NEBL: variants seen among roughly 807,000 people sequenced by gnomAD.
NEBL encodes the protein nebulette.
In NEBL, 122 loss-of-function variants were observed where a neutral mutation model predicts 140.2. That is an observed-to-expected ratio of 0.87 (90% CI 0.75 to 1.01). The LOEUF (loss-of-function observed/expected upper bound fraction) is 1.01. NEBL is among the 50% of genes least tolerant of loss of function. NEBL has a pLI of 0.00. For missense variants in NEBL, 1,365 were observed against 1,231.3 expected, an observed-to-expected ratio of 1.11 and a Z score of -1.62; for synonymous variants, 436 against 398.9, an observed-to-expected ratio of 1.09 and a Z score of -1.11.
intron 3 of NEBL, among the ~76,000 whole-genome samples, chr10:21,200,979 A>T (rs1220688175): frequency 1.3e-5 from 2 of 151,926 alleles, no homozygotes; most frequent in Non-Finnish European, 2.9e-5. Context: ...AGTTCCAGCT[A>T]CTCAGGAGGG....
intron 9 of NEBL, among the ~76,000 whole-genome samples, chr10:20,856,143 G>A (rs192860044): frequency 6.6e-6 from 1 of 152,232 alleles, no homozygotes; most frequent in East Asian, 1.9e-4. Context: ...ATTTGTCTAT[G>A]GGGAAAAAGA....
chr10:20,847,145 T>A (rs1298681031), intron 11 of NEBL, among the ~76,000 whole-genome samples: 1 of 152,184 alleles, frequency 6.6e-6, no homozygotes, highest in African/African-American at 2.4e-5. Context: ...ATTCTCTTTA[T>A]ACCTACTTCA....
At chr10:21,145,548 C>A (rs1018241486) in intron 2 of NEBL, among the ~76,000 whole-genome samples, 10 of 152,188 alleles carry the variant, frequency 6.6e-5, no homozygotes, top group African/African-American at 2.2e-4. Context: ...ATGTATACAC[C>A]TTTTCATAGC....
rs1393451462 is a variant in NEBL, at chr10:21,261,300, C to A, written n.183-9472G>T. ...AAAGAAAGGAAAATTATCCTGATTC[C>A]AACCTTCAATAATGGACGCTGAACC... On this transcript the variant is annotated intron_variant and non_coding_transcript_variant, in intron 1 of 8. Coordinates refer to the NEBL transcript ENST00000675702. 2.6e-5 allele frequency among the ~76,000 whole-genome samples: 4 copies of A among 152,104 alleles called. 1 individual carries two copies. In the East Asian group the frequency reaches 5.8e-4, roughly 22 times the overall value.
chr10:20,780,153 C>G lies in NEBL; in HGVS notation c.*5594G>C, dbSNP rs1016601551. On this transcript the variant is annotated 3_prime_UTR_variant, in exon 28 of 28. Coordinates refer to ENST00000377122, the MANE Select transcript of NEBL (RefSeq NM_006393.3). The stretch of plus-strand genomic sequence containing the variant: ...GACTCACTTTTTCAATTATGGGAAG[C>G]GTAGTGGGGGGAGAAAAGCAATTGT... 1 of 152,044 alleles carries G rather than the reference C, an allele frequency of 6.6e-6. No homozygotes were observed. Among genetic ancestry groups the G allele is most frequent in the Non-Finnish European group, 1.5e-5 (1 of 68,010 alleles). The allele number at this position is 152,044 out of a possible 1,614,324, so 9.4% of individuals were successfully genotyped here.
chr10:20,903,437 C>T (rs1847959009), intron 4 of NEBL, among the ~76,000 whole-genome samples: 1 of 152,090 alleles, frequency 6.6e-6, no homozygotes, highest in Admixed American at 6.6e-5. Flanking sequence ...TGAGTAAAAC[C>T]TCTACGGGAG....
chr10:21,060,531 T>G (rs919726655), intron 2 of NEBL, among the ~76,000 whole-genome samples: 1 of 152,146 alleles, frequency 6.6e-6, no homozygotes, highest in Admixed American at 6.6e-5. Context: ...ACAAACTGTC[T>G]CCTTTTCCTG....
chr10:21,098,403 C>T (rs750474997), intron 2 of NEBL, among the ~76,000 whole-genome samples: 2 of 152,142 alleles, frequency 1.3e-5, no homozygotes, highest in Non-Finnish European at 2.9e-5. Context: ...AATAAATGCT[C>T]ATTGAATTGA....
At chr10:21,053,279 G>A (rs1011955384) in intron 2 of NEBL, among the ~76,000 whole-genome samples, 4 of 152,172 alleles carry the variant, frequency 2.6e-5, no homozygotes, top group African/African-American at 9.7e-5. Flanking sequence ...GAAAAGAGGA[G>A]TGTTAATTAA....
chr10:20,793,958 A>C (rs932299965), intron 26 of NEBL, among the ~76,000 whole-genome samples: 6 of 152,172 alleles, frequency 3.9e-5, no homozygotes, highest in Non-Finnish European at 8.8e-5. Context: ...ATGTGGCTCT[A>C]TTTTAAACAT....
chr10:20,845,505 G>A, intron 11 of NEBL, 137 bp from the exon 12 acceptor site: 1 of 602,218 alleles, frequency 1.7e-6, no homozygotes, highest in Non-Finnish European at 2.9e-6. Context: ...CTATCAACAG[G>A]GAAATAAGTT....
At chr10:21,194,028 A>G (rs1841613976) in intron 3 of NEBL, among the ~76,000 whole-genome samples, 1 of 152,190 alleles carries the variant, frequency 6.6e-6, no homozygotes, top group African/African-American at 2.4e-5. Flanking sequence ...AAGCTAGAGT[A>G]CAGTACCGTG....
chr10:21,260,606 CCT>C (rs1288491943), intron 1 of NEBL, among the ~76,000 whole-genome samples: 1 of 152,136 alleles, frequency 6.6e-6, no homozygotes, highest in Non-Finnish European at 1.5e-5. Flanking sequence ...ACTATGTTCC[CCT>C]GTTTTCCCTT....
intron 3 of NEBL, among the ~76,000 whole-genome samples, chr10:21,193,913 A>G (rs1270855053): frequency 2.0e-5 from 3 of 152,264 alleles, no homozygotes; most frequent in African/African-American, 7.2e-5. Context: ...AAGATAAAAT[A>G]CTATCATGAT....
intron 2 of NEBL, among the ~76,000 whole-genome samples, chr10:21,250,701 A>G (rs1842577305): frequency 6.6e-6 from 1 of 150,604 alleles, no homozygotes; most frequent in African/African-American, 2.5e-5. Flanking sequence ...ACCTGAGTTC[A>G]GGGGTTCAAG....
intron 3 of NEBL, among the ~76,000 whole-genome samples, chr10:21,215,581 G>GA (rs1841980151): frequency 1.3e-5 from 2 of 152,044 alleles, no homozygotes; most frequent in Non-Finnish European, 2.9e-5. Flanking sequence ...AAAAGGCAAA[G>GA]AAAAAAATAT....
intron 4 of NEBL, among the ~76,000 whole-genome samples, chr10:20,942,901 A>G (rs1834957224): frequency 6.6e-6 from 1 of 152,262 alleles, no homozygotes; most frequent in African/African-American, 2.4e-5. Context: ...ACCATTTCAC[A>G]CCAGTTAGAA....
intron 2 of NEBL, among the ~76,000 whole-genome samples, chr10:21,036,949 C>T (rs75237567): frequency 0.016 from 2,492 of 152,166 alleles, 62 homozygotes; most frequent in African/African-American, 0.057. Flanking sequence ...TTGTTTGTTT[C>T]GTTTTGTTTA....
Position 21,030,270 on chromosome 10 carries a change from G to A in NEBL, c.165-10069C>T, listed in dbSNP as rs1833725048. On this transcript the variant is annotated intron_variant, in intron 2 of 6. Transcript: ENST00000417816. Reference sequence around the variant, plus strand: ...CAGGAACCGGAGAGGCACCCAAGCTGGCGAAGTGAAGAAACTCAGGAACTG... The same window carrying A: ...CAGGAACCGGAGAGGCACCCAAGCTAGCGAAGTGAAGAAACTCAGGAACTG... 3 of 621,194 alleles carry A rather than the reference G, an allele frequency of 4.8e-6. No homozygotes were observed. In the South Asian group the frequency reaches 4.9e-5, roughly 10 times the overall value. 38.5% of individuals were successfully genotyped at this position (621,194 alleles called of 1,614,324 possible).
Sources: gnomAD v4.1 joint callset for allele counts (sites outside exome capture counted in the v4.1 genomes callset) on GRCh38, gnomAD v4.1.1 for gene constraint, MANE v1.5 for transcripts, NCBI Gene and HGNC (gene_info 2026-07-23, HGNC 2026-07-21) for gene names.